The following MEMO1 variants were observed in gnomAD, a reference collection of about 807,000 sequenced individuals.
MEMO1 encodes mediator of cell motility 1.
MEMO1 carries 6 observed loss-of-function variants against 45.2 expected under a neutral mutation model. The ratio of observed to expected loss-of-function variants is 0.13; its 90% confidence interval spans 0.07 to 0.26. The LOEUF is 0.26. Among genes scored for constraint, MEMO1 ranks in the 10% least tolerant of loss-of-function variants. The pLI is 1.00. For synonymous variants in MEMO1, 78 were observed against 124.3 expected (o/e 0.63, Z 2.48); for missense variants, 184 against 370.5 (o/e 0.50, Z 4.13).
rs1323316650 is a variant in MEMO1, at chr2:31,930,006, T to A, written c.212+2061A>T. Among the ~76,000 whole-genome samples the A allele has an allele frequency of 2.6e-5, 4 of 152,256 alleles. No individual in the cohort carries two copies. The East Asian group carries it at 7.7e-4, about 29-fold the overall frequency. ...TGGGCACAGTGGCTCATGCCTGTAA[T>A]CCCAGCACTTTGGGAGGCCGAGGTG... On this transcript the variant is annotated intron_variant, in intron 4 of 9. Transcript: ENST00000404530.
intron 4 of MEMO1, among the ~76,000 whole-genome samples, chr2:31,924,018 T>G (rs1682716797): frequency 6.6e-6 from 1 of 152,084 alleles, no homozygotes; most frequent in African/African-American, 2.4e-5. Context: ...TCTGGTTTGG[T>G]AGAAAACTCA....
At chr2:31,957,097 G>T (rs1177117806) in intron 2 of MEMO1, among the ~76,000 whole-genome samples, 1 of 149,852 alleles carries the variant, frequency 6.7e-6, no homozygotes, top group African/African-American at 2.5e-5. Flanking sequence ...AAATGAAATC[G>T]TGCCATTGCA....
At chr2:31,903,064 TAAC>T (rs1245788048) in intron 6 of MEMO1, among the ~76,000 whole-genome samples, 1 of 152,164 alleles carries the variant, frequency 6.6e-6, no homozygotes, top group Non-Finnish European at 1.5e-5. Context: ...GTTTAAATAT[TAAC>T]AAATTTATGA....
chr2:32,002,835 A>C (rs1673579395), intron 2 of MEMO1, among the ~76,000 whole-genome samples: 1 of 152,226 alleles, frequency 6.6e-6, no homozygotes, highest in South Asian at 2.1e-4. Context: ...TTTGACTTGG[A>C]AACTGCATGT....
At chr2:31,884,582 C>A (rs1380663887) in intron 7 of MEMO1, among the ~76,000 whole-genome samples, 1 of 152,144 alleles carries the variant, frequency 6.6e-6, no homozygotes, top group Non-Finnish European at 1.5e-5. Flanking sequence ...ATGGGCAGTG[C>A]AAAATTATAA....
intron 2 of MEMO1, among the ~76,000 whole-genome samples, chr2:31,943,891 TCA>T (rs1276545920): frequency 2.6e-5 from 4 of 152,164 alleles, no homozygotes; most frequent in African/African-American, 9.7e-5. Context: ...CTTAAAAATC[TCA>T]GTTTCAAGCA....
chr2:31,978,681 A>C (rs1670294836), intron 2 of MEMO1, among the ~76,000 whole-genome samples: 1 of 152,142 alleles, frequency 6.6e-6, no homozygotes, highest in Non-Finnish European at 1.5e-5. Context: ...TGGCCTTCCA[A>C]AGTGCTGGGG....
chr2:31,997,666 A>C (rs1223439454), intron 2 of MEMO1, among the ~76,000 whole-genome samples: 1 of 152,232 alleles, frequency 6.6e-6, no homozygotes. Context: ...AGGAGCCCAG[A>C]ATGGCTGGAA....
rs550466589 is a variant in MEMO1 at position 31,983,330 on chromosome 2, T to C, written c.61+26857A>G. Reference sequence around the variant, plus strand: ...ACAGAAAGAGATATGTGTGTACATATGCTACTATAAATAAATATATTTCCT... The same window carrying C: ...ACAGAAAGAGATATGTGTGTACATACGCTACTATAAATAAATATATTTCCT... On this transcript the variant is annotated intron_variant, in intron 2 of 9. Coordinates refer to ENST00000404530, the MANE Select transcript of MEMO1 (RefSeq NM_001301833.4). Among the ~76,000 whole-genome samples, 96 of 152,356 alleles carry C rather than the reference T, an allele frequency of 6.3e-4. 1 individual carries two copies. The highest frequency in any genetic ancestry group is 6.8e-3 in the Middle Eastern group (2 of 294).
intron 2 of MEMO1, among the ~76,000 whole-genome samples, chr2:32,000,996 TTAAATAAAGCCTCTTCAGAAGTGCCA>T (rs1028077809): frequency 6.6e-6 from 1 of 151,974 alleles, no homozygotes; most frequent in Non-Finnish European, 1.5e-5. Context: ...TTGCTGAATA[TTAAATAAAGCCTCTTCAGAAGTGCCA>T]TAAATTTTGA....
intron 2 of MEMO1, among the ~76,000 whole-genome samples, chr2:31,988,444 G>A (rs544515391): frequency 6.6e-6 from 1 of 152,302 alleles, no homozygotes; most frequent in Non-Finnish European, 1.5e-5. Flanking sequence ...CTACTCAGGA[G>A]GCTGAGGCGG....
At chr2:31,930,368 C>T (rs535145083) in intron 4 of MEMO1, among the ~76,000 whole-genome samples, 1 of 152,142 alleles carries the variant, frequency 6.6e-6, no homozygotes, top group Non-Finnish European at 1.5e-5. Flanking sequence ...TAGTCCTTGG[C>T]GCTCTTCCAT....
chr2:31,939,498 T>C (rs543485875), intron 3 of MEMO1, among the ~76,000 whole-genome samples: 1 of 152,340 alleles, frequency 6.6e-6, no homozygotes, highest in East Asian at 1.9e-4. Context: ...GTCTGGCTAC[T>C]TTTTTATGAA....
At chr2:31,886,298 CA>C (rs2147959498) in intron 7 of MEMO1, among the ~76,000 whole-genome samples, 1 of 152,172 alleles carries the variant, frequency 6.6e-6, no homozygotes, top group East Asian at 1.9e-4. Flanking sequence ...AAAAATTATA[CA>C]AATATTTAAA....
chr2:31,903,176 C>G (rs930843524), intron 6 of MEMO1, among the ~76,000 whole-genome samples: 6 of 152,086 alleles, frequency 3.9e-5, no homozygotes, highest in African/African-American at 1.4e-4. Context: ...CTCTGTATAA[C>G]ATTGACGAAT....
intron 2 of MEMO1, among the ~76,000 whole-genome samples, chr2:31,944,644 C>T (rs550103377): frequency 6.6e-4 from 101 of 152,260 alleles, no homozygotes; most frequent in African/African-American, 2.3e-3. Context: ...GCTCCCATAA[C>T]TATTATAGGT....
chr2:31,897,036 G>A (rs1034355065), intron 6 of MEMO1, among the ~76,000 whole-genome samples: 1 of 152,172 alleles, frequency 6.6e-6, no homozygotes, highest in African/African-American at 2.4e-5. Flanking sequence ...TACTATTGGT[G>A]TATAGGAATG....
intron 2 of MEMO1, among the ~76,000 whole-genome samples, chr2:31,984,487 T>C (rs988617128): frequency 1.3e-5 from 2 of 152,144 alleles, no homozygotes; most frequent in African/African-American, 2.4e-5. Context: ...CACGATGTGG[T>C]AACCTGGATA....
At chr2:31,868,551 G>GTACAT in intron 9 of MEMO1, 59 bp from the exon 10 acceptor site, 18 of 1,469,450 alleles carry the variant, frequency 1.2e-5, no homozygotes, top group Non-Finnish European at 1.6e-5. Context: ...GGCACTCAAT[G>GTACAT]TGTTTGCGGT....
Sources: gnomAD v4.1 joint callset for allele counts (sites outside exome capture counted in the v4.1 genomes callset) on GRCh38, gnomAD v4.1.1 for gene constraint, MANE v1.5 for transcripts, NCBI Gene and HGNC (gene_info 2026-07-23, HGNC 2026-07-21) for gene names.